The following USP15 variants were observed in gnomAD, a reference collection of about 807,000 sequenced individuals.
USP15 encodes ubiquitin carboxyl-terminal hydrolase 15.
Under a neutral mutation model 127.1 loss-of-function variants are expected in USP15, and 18 were observed. That is an observed-to-expected ratio of 0.14 (90% confidence interval 0.10 to 0.21). USP15 has a LOEUF of 0.21. Ranked by LOEUF, USP15 falls within the 10% of genes least tolerant of loss-of-function variation. The pLI, the probability that USP15 is intolerant of heterozygous loss-of-function variation, is 1.00. For synonymous variants in USP15, 364 were observed against 393.7 expected (o/e 0.92, Z 0.89); for missense variants, 805 against 1,159.9 (o/e 0.69, Z 4.44).
rs1048169151 is a variant in USP15, at chr12:62,302,787, C to T, written c.218-3C>T. The T allele has an allele frequency of 1.9e-6, 3 of 1,599,036 alleles. No individual in the cohort carries two copies. Among genetic ancestry groups the T allele is most frequent in the Admixed American group, 1.7e-5 (1 of 58,032 alleles). On this transcript the variant is annotated splice_region_variant and splice_polypyrimidine_tract_variant and intron_variant, in intron 2 of 21. Transcript: ENST00000280377. ...GGTATTGAGTTTATTTTTTCTTTTG[C>T]AGATGGTGATGCCCAGTCACTTAAG...
chr12:62,262,472 T>A (rs1282298668), intron 1 of USP15, among the ~76,000 whole-genome samples: 8 of 152,166 alleles, frequency 5.3e-5, no homozygotes, highest in Non-Finnish European at 8.8e-5. Context: ...GTCTATAAGT[T>A]AAAATATAAG....
chr12:62,337,165 C>T (rs1313552248), intron 6 of USP15, among the ~76,000 whole-genome samples: 1 of 152,192 alleles, frequency 6.6e-6, no homozygotes, highest in Non-Finnish European at 1.5e-5. Flanking sequence ...GATTCTAATT[C>T]TTCATCGAAA....
At chr12:62,313,766 G>A (rs1057081714) in intron 3 of USP15, among the ~76,000 whole-genome samples, 1 of 151,694 alleles carries the variant, frequency 6.6e-6, no homozygotes, top group African/African-American at 2.4e-5. Context: ...TAACAAGTAT[G>A]ATTAAGAAAA....
Position 62,409,235 on chromosome 12 carries a change from T to A in USP15, c.*4860T>A, listed in dbSNP as rs2067976863. 6.6e-6 allele frequency: 1 copy of A among 152,184 alleles called. No individual in the cohort carries two copies. Among genetic ancestry groups the A allele is most frequent in the Non-Finnish European group, 1.5e-5 (1 of 68,020 alleles). The allele number at this position is 152,184 out of a possible 1,614,324, so 9.4% of individuals were successfully genotyped here. A position where few individuals can be genotyped will look rare whatever the true frequency, so the allele number is the denominator to read the frequency against. Reference sequence around the variant, plus strand: ...CCTGGAACTTGTCAGGGTTGTGAAATAGATCTCAGACTATTAAGGACATTC... The same window carrying A: ...CCTGGAACTTGTCAGGGTTGTGAAAAAGATCTCAGACTATTAAGGACATTC... On this transcript the variant is annotated 3_prime_UTR_variant, in exon 22 of 22. Coordinates refer to ENST00000280377, the MANE Select transcript of USP15 (RefSeq NM_001252078.2).
intron 9 of USP15, 65 bp from the exon 10 acceptor site, chr12:62,383,775 T>C: frequency 2.0e-6 from 3 of 1,501,936 alleles, no homozygotes; most frequent in Non-Finnish European, 2.7e-6. Context: ...GAGAATCTAT[T>C]GTACATATGT....
intron 1 of USP15, among the ~76,000 whole-genome samples, chr12:62,263,702 G>T (rs966211101): frequency 4.1e-4 from 62 of 152,190 alleles, no homozygotes; most frequent in African/African-American, 1.4e-3. Context: ...ATTTGTATAA[G>T]GAATAAAGCA....
intron 17 of USP15, 143 bp downstream of exon 17, chr12:62,392,029 A>G: frequency 1.1e-6 from 1 of 925,256 alleles, no homozygotes; most frequent in Non-Finnish European, 1.6e-6. Flanking sequence ...TGAACTAGAA[A>G]AAAAAGTCTT....
chr12:62,292,432 C>G (rs1164681190), intron 1 of USP15, among the ~76,000 whole-genome samples: 1 of 152,218 alleles, frequency 6.6e-6, no homozygotes, highest in Non-Finnish European at 1.5e-5. Context: ...ACAGGACCCA[C>G]CTTTCTCATG....
chr12:62,302,478 T>C (rs2064346075), intron 2 of USP15, among the ~76,000 whole-genome samples: 1 of 152,220 alleles, frequency 6.6e-6, no homozygotes, highest in Non-Finnish European at 1.5e-5. Flanking sequence ...TTGTCCAACC[T>C]GCAGCCCATG....
intron 1 of USP15, among the ~76,000 whole-genome samples, chr12:62,265,458 A>G (rs532086918): frequency 6.6e-6 from 1 of 152,238 alleles, no homozygotes; most frequent in African/African-American, 2.4e-5. Context: ...AGGTTTTCAC[A>G]TAGTGGTATA....
At chr12:62,314,171 C>A in intron 3 of USP15, 1 of 259,836 alleles carries the variant, frequency 3.8e-6, no homozygotes, top group Non-Finnish European at 6.0e-6. Context: ...AAAGGTCAAA[C>A]AAAGTAAGTC....
At chr12:62,288,211 A>T (rs2063837925) in intron 1 of USP15, among the ~76,000 whole-genome samples, 1 of 151,962 alleles carries the variant, frequency 6.6e-6, no homozygotes, top group Admixed American at 6.6e-5. Flanking sequence ...AACATTATCG[A>T]TTCTTCTGAT....
intron 8 of USP15, among the ~76,000 whole-genome samples, chr12:62,376,651 T>C (rs1242558206): frequency 6.6e-6 from 1 of 152,180 alleles, no homozygotes; most frequent in Non-Finnish European, 1.5e-5. Context: ...ATACTGTTTA[T>C]ATAATCTCTT....
At chr12:62,345,647 T>G (rs942101009) in intron 6 of USP15, among the ~76,000 whole-genome samples, 1 of 152,136 alleles carries the variant, frequency 6.6e-6, no homozygotes, top group East Asian at 1.9e-4. Context: ...CAATTTACTC[T>G]TTTAGTCAGT....
intron 21 of USP15, among the ~76,000 whole-genome samples, chr12:62,402,749 A>G (rs1346546464): frequency 2.6e-5 from 4 of 152,102 alleles, no homozygotes; most frequent in African/African-American, 4.8e-5. Context: ...CTTACAGACT[A>G]TGAGTAGCCA....
chr12:62,356,560 G>A (rs765022), intron 8 of USP15, among the ~76,000 whole-genome samples: 10 of 151,860 alleles, frequency 6.6e-5, no homozygotes, highest in Non-Finnish European at 1.2e-4. Flanking sequence ...AGGCATAATC[G>A]ATTTCTGGTA....
At chr12:62,304,180 G>A (rs1440383516) in intron 3 of USP15, among the ~76,000 whole-genome samples, 2 of 151,914 alleles carry the variant, frequency 1.3e-5, no homozygotes, top group African/African-American at 4.8e-5. Flanking sequence ...ATTACTCTTT[G>A]AAATAGTCCT....
chr12:62,374,323 G>A, intron 8 of USP15: 1 of 936,148 alleles, frequency 1.1e-6, no homozygotes, highest in South Asian at 4.9e-5. Context: ...ATTAGTTATA[G>A]AATGAGTTAC....
chr12:62,314,767 T>A (rs772331280), intron 3 of USP15, 23 bp from the exon 4 acceptor site: 1 of 1,522,416 alleles, frequency 6.6e-7, no homozygotes, highest in African/African-American at 1.4e-5. Flanking sequence ...GTGACACTGA[T>A]TTGTTTTGTT....
Sources: allele counts gnomAD v4.1 joint callset (sites outside exome capture counted in the v4.1 genomes callset), GRCh38; gene constraint gnomAD v4.1.1; transcripts MANE v1.5; gene names NCBI Gene and HGNC (gene_info 2026-07-23, HGNC 2026-07-21).